Variants in BEND7 observed in about 807,000 individuals in gnomAD.
BEND7 encodes BEN domain containing 7, also known as BEN domain-containing protein 7.
Under a neutral mutation model 50.9 loss-of-function variants are expected in BEND7, and 28 were observed. That is an observed-to-expected ratio of 0.55 (90% CI 0.41 to 0.75). The LOEUF (loss-of-function observed/expected upper bound fraction) is 0.75. Among genes scored for constraint, BEND7 ranks in the 30% least tolerant of loss-of-function variants. The pLI is 0.00. For synonymous variants in BEND7, 170 were observed against 183.9 expected, an observed-to-expected ratio of 0.92 and a Z score of 0.61; for missense variants, 477 against 491.3, an observed-to-expected ratio of 0.97 and a Z score of 0.28.
chr10:13,462,691 G>C (rs1840454209), intron 6 of BEND7, among the ~76,000 whole-genome samples: 2 of 152,168 alleles, frequency 1.3e-5, no homozygotes, highest in South Asian at 4.1e-4. Flanking sequence ...AAAGGGTCCA[G>C]TAAACACTAA....
chr10:13,448,185 T>C (rs1470107818), intron 7 of BEND7, among the ~76,000 whole-genome samples: 4 of 152,184 alleles, frequency 2.6e-5, no homozygotes, highest in African/African-American at 9.7e-5. Flanking sequence ...TTTCCAAAGG[T>C]AGATCCTTCA....
rs1304166974 is a variant in BEND7, at chr10:13,526,195, G to A, written c.88C>T (p.Pro30Ser). ...RDYHHEVYKI[P>S]EFSNDVNGEA... Reference sequence around the variant, plus strand: ...CCATTAACATCGTTGCTGAATTCTGGGATCTTATACACCTCGTGGTGATAA... The same window carrying A: ...CCATTAACATCGTTGCTGAATTCTGAGATCTTATACACCTCGTGGTGATAA... Residue 30 changes from proline to serine, a missense_variant, in exon 2 of 9, where the codon CCA becomes TCA. Physicochemically the swap from Pro to Ser is moderately conservative, Grantham distance 74. Transcript: ENST00000466271. The A allele has an allele frequency of 7.8e-7, 1 of 1,289,168 alleles. No homozygotes were observed. The highest frequency in any genetic ancestry group is 1.5e-5 in the African/African-American group (1 of 65,788). The allele number at this position is 1,289,168 out of a possible 1,614,324, so 79.9% of individuals were successfully genotyped here.
intron 6 of BEND7, among the ~76,000 whole-genome samples, chr10:13,458,296 G>C (rs12257359): frequency 1.1e-3 from 166 of 152,344 alleles, no homozygotes; most frequent in African/African-American, 3.9e-3. Flanking sequence ...AGCGCGTGGC[G>C]TGTCTGACAT....
Position 13,528,712 on chromosome 10 carries a change from C to T in BEND7, c.-179G>A, listed in dbSNP as rs982389278. 5.9e-6 allele frequency: 1 copy of T among 168,680 alleles called. No individual in the cohort carries two copies. The highest frequency in any genetic ancestry group is 2.0e-4 in the East Asian group (1 of 5,084). 10.4% of individuals were successfully genotyped at this position (168,680 alleles called of 1,614,324 possible). A position where few individuals can be genotyped will look rare whatever the true frequency, so the allele number is the denominator to read the frequency against. On this transcript the variant is annotated 5_prime_UTR_variant, in exon 1 of 9. Coordinates refer to ENST00000466271, the MANE Select transcript of BEND7 (RefSeq NM_001369863.1). ...GACGGGAGGAACCACCGCGAGCCGGCTCGGGGCTGCAGGCGCGGGGCCCGG... is the reference window on the plus strand; with the variant it reads ...GACGGGAGGAACCACCGCGAGCCGGTTCGGGGCTGCAGGCGCGGGGCCCGG...
intron 5 of BEND7, among the ~76,000 whole-genome samples, chr10:13,486,177 C>A (rs1429734444): frequency 6.6e-6 from 1 of 152,214 alleles, no homozygotes; most frequent in Non-Finnish European, 1.5e-5. Flanking sequence ...CCCTGCCCAG[C>A]AAATTTTTAA....
chr10:13,458,338 C>G (rs1236181323), intron 6 of BEND7, among the ~76,000 whole-genome samples: 1 of 152,234 alleles, frequency 6.6e-6, no homozygotes, highest in Non-Finnish European at 1.5e-5. Context: ...ACAAGGCGGA[C>G]TGGCCATGTT....
rs557758417 is a variant in BEND7, at chr10:13,513,937, T to C, written c.145+12201A>G. On this transcript the variant is annotated intron_variant, in intron 2 of 8. Transcript: ENST00000466271. ...TAAAAAATAAAAGTGCCCGGGACTC[T>C]ATTCAAGACAATTCAATCAGAATCC... is the stretch of plus-strand genomic sequence containing the variant. Among the ~76,000 whole-genome samples the C allele has an allele frequency of 2.0e-5, 3 of 152,296 alleles. No homozygotes were observed. In the South Asian group the frequency reaches 6.2e-4, roughly 32 times the overall value.
chr10:13,492,763 G>C lies in BEND7; in HGVS notation c.685C>G (p.Leu229Val). The part of the protein sequence containing the change: ...KKVPPKTVEP[L>V]TVKQKPSGSE... ...CCACTGGGCTTCTGTTTCACAGTAAGAGGTTCCACAGTCTTTGGGGGCACT... is the reference window on the plus strand; with the variant it reads ...CCACTGGGCTTCTGTTTCACAGTAACAGGTTCCACAGTCTTTGGGGGCACT... The change falls in exon 5 of 9, where the codon CTT (leucine) becomes GTT (valine). Residue 229 changes from leucine to valine, a missense_variant. Transcript: ENST00000466271. 1.9e-6 allele frequency: 3 copies of C among 1,613,640 alleles called. No homozygotes were observed.
chr10:13,452,716 A>C, intron 6 of BEND7, 58 bp from the exon 7 acceptor site: 1 of 1,458,992 alleles, frequency 6.9e-7, no homozygotes, highest in Non-Finnish European at 9.3e-7. Flanking sequence ...TGCAGATCTG[A>C]AACAGAAATA....
intron 6 of BEND7, among the ~76,000 whole-genome samples, chr10:13,465,793 C>A (rs1361825960): frequency 2.0e-5 from 3 of 152,060 alleles, no homozygotes; most frequent in Non-Finnish European, 2.9e-5. Context: ...CCTTTGTTAT[C>A]CCCACACTGG....
At chr10:13,499,726 G>A (rs61833900) in intron 3 of BEND7, 52 bp downstream of exon 3, 16 of 1,106,842 alleles carry the variant, frequency 1.4e-5, no homozygotes, top group South Asian at 8.7e-5. Context: ...TTTAGAAATA[G>A]AACAGTACAA....
chr10:13,489,892 T>C (rs1220425750), intron 5 of BEND7, among the ~76,000 whole-genome samples: 1 of 152,252 alleles, frequency 6.6e-6, no homozygotes, highest in Non-Finnish European at 1.5e-5. Context: ...AGATGTTTCC[T>C]CCTTCGCAGA....
intron 1 of BEND7, 46 bp downstream of exon 1, chr10:13,528,427 G>A: frequency 1.0e-6 from 1 of 959,264 alleles, no homozygotes; most frequent in Non-Finnish European, 1.2e-6. Context: ...GGCGGCCGAG[G>A]GCGCGGCGCC....
downstream of BEND7, chr10:13,439,517 G>GTGAA (rs762106498): frequency 2.1e-4 from 335 of 1,570,254 alleles, no homozygotes; most frequent in African/African-American, 9.3e-4. Context: ...GAATGAATGA[G>GTGAA]TGAATGAATG....
chr10:13,494,813 T>A (rs1351403219), intron 4 of BEND7, among the ~76,000 whole-genome samples: 1 of 152,260 alleles, frequency 6.6e-6, no homozygotes, highest in African/African-American at 2.4e-5. Flanking sequence ...TCTTATTCCC[T>A]GTCTTCTTAA....
rs781765969 is a variant in BEND7, at chr10:13,528,729, G to T, written c.-196C>A. On this transcript the variant is annotated 5_prime_UTR_variant, in exon 1 of 9. Coordinates refer to ENST00000466271, the MANE Select transcript of BEND7 (RefSeq NM_001369863.1). ...CGAGCCGGCTCGGGGCTGCAGGCGCGGGGCCCGGCGGCGTGGGCTCCCGGG... is the reference window on the plus strand; with the variant it reads ...CGAGCCGGCTCGGGGCTGCAGGCGCTGGGCCCGGCGGCGTGGGCTCCCGGG... 654 of 155,058 alleles carry T rather than the reference G, an allele frequency of 4.2e-3. 5 individuals are homozygous for T. The highest frequency in any genetic ancestry group is 6.2e-3 in the Non-Finnish European group (451 of 72,862). The allele number at this position is 155,058 out of a possible 1,614,324, so 9.6% of individuals were successfully genotyped here. A position where few individuals can be genotyped will look rare whatever the true frequency, so the allele number is the denominator to read the frequency against.
chr10:13,463,080 C>T (rs544758383), intron 6 of BEND7, among the ~76,000 whole-genome samples: 14 of 152,294 alleles, frequency 9.2e-5, no homozygotes, highest in East Asian at 3.9e-4. Flanking sequence ...AACAAAGACT[C>T]GAAGACCCTC....
chr10:13,494,634 G>A (rs1043292189), intron 4 of BEND7, among the ~76,000 whole-genome samples: 4 of 152,194 alleles, frequency 2.6e-5, no homozygotes, highest in African/African-American at 9.7e-5. Context: ...AAGGGACCTC[G>A]AATAATGATC....
rs564290717 is a variant in BEND7 at position 13,520,902 on chromosome 10, C to T, written c.145+5236G>A. On this transcript the variant is annotated intron_variant, in intron 2 of 8. Coordinates refer to ENST00000466271, the MANE Select transcript of BEND7 (RefSeq NM_001369863.1). ...AGCTACCGAAACATATGTTTATGTG[C>T]ACATAAATTGAAAGAAGCCATCGGT... Among the ~76,000 whole-genome samples, 5 of 152,326 alleles carry T rather than the reference C, an allele frequency of 3.3e-5. No homozygotes were observed. The Middle Eastern group carries it at 0.01, about 311-fold the overall frequency.
Sources: allele counts gnomAD v4.1 joint callset (sites outside exome capture counted in the v4.1 genomes callset), GRCh38; gene constraint gnomAD v4.1.1; transcripts MANE v1.5; gene names NCBI Gene and HGNC (gene_info 2026-07-23, HGNC 2026-07-21).